GANC: variants seen among roughly 807,000 people sequenced by gnomAD.
GANC encodes the protein glucosidase alpha, neutral C.
A neutral mutation model predicts 124.2 loss-of-function variants in GANC; 117 were observed. That is an observed-to-expected ratio of 0.94 (90% confidence interval 0.81 to 1.10). GANC has a LOEUF of 1.10. Ranked by LOEUF, GANC falls within the 50% of genes least tolerant of loss-of-function variation. GANC has a pLI of 0.00. For synonymous variants in GANC, 377 were observed against 376.8 expected (o/e 1.00, Z -0.01); for missense variants, 1,140 against 1,095.0 (o/e 1.04, Z -0.58).
intron 19 of GANC, chr15:42,345,002 G>A (rs1278548036): frequency 1.3e-5 from 2 of 152,104 alleles, no homozygotes; most frequent in Admixed American, 6.5e-5. Flanking sequence ...TAAAGGATGT[G>A]GTAATCCCTG....
chr15:42,351,465 TG>T (rs745705815), intron 23 of GANC, 33 bp downstream of exon 23: 1 of 1,471,756 alleles, frequency 6.8e-7, no homozygotes, highest in South Asian at 1.1e-5. Flanking sequence ...CCTCACCATT[TG>T]TTTTTATAAA....
chr15:42,278,455 A>G, intron 2 of GANC, 27 bp from the exon 3 acceptor site: 1 of 1,420,166 alleles, frequency 7.0e-7, no homozygotes, highest in South Asian at 1.2e-5. Context: ...AATAATTATC[A>G]AGCATCTGCA....
At chr15:42,349,269 A>G in intron 21 of GANC, 114 bp from the exon 22 acceptor site, 1 of 693,340 alleles carries the variant, frequency 1.4e-6, no homozygotes, top group Non-Finnish European at 2.6e-6. Context: ...ACTACTTTAT[A>G]TAGCTTGAAT....
At chr15:42,300,862 T>C (rs2051938409) in intron 6 of GANC, among the ~76,000 whole-genome samples, 3 of 151,686 alleles carry the variant, frequency 2.0e-5, no homozygotes, top group Admixed American at 2.0e-4. Context: ...GTACTAAAAA[T>C]ACAAAATTAG....
chr15:42,330,509 T>C (rs1021861103), intron 14 of GANC, 67 bp from the exon 15 acceptor site: 7 of 1,084,032 alleles, frequency 6.5e-6, no homozygotes, highest in South Asian at 5.2e-5. Context: ...GTATGTTAGA[T>C]AGCTTATTGG....
chr15:42,351,862 T>A (rs1486036095), intron 23 of GANC, among the ~76,000 whole-genome samples, 168 bp from the exon 24 acceptor site: 1 of 152,236 alleles, frequency 6.6e-6, no homozygotes, highest in Non-Finnish European at 1.5e-5. Context: ...CAATGAAGTT[T>A]TCCACGTTTC....
At chr15:42,317,005 A>G (rs1003085461) in intron 10 of GANC, among the ~76,000 whole-genome samples, 1 of 152,246 alleles carries the variant, frequency 6.6e-6, no homozygotes, top group Non-Finnish European at 1.5e-5. Flanking sequence ...CTAATGATTG[A>G]TAATTGTCCA....
At chr15:42,321,503 A>G (rs1018518073) in intron 10 of GANC, among the ~76,000 whole-genome samples, 8 of 152,174 alleles carry the variant, frequency 5.3e-5, no homozygotes, top group African/African-American at 1.2e-4. Context: ...TCAAGACCCT[A>G]TACTTCACCA....
intron 12 of GANC, among the ~76,000 whole-genome samples, chr15:42,326,628 A>G (rs1016586611): frequency 6.6e-6 from 1 of 152,140 alleles, no homozygotes; most frequent in Non-Finnish European, 1.5e-5. Flanking sequence ...GTATTTATCA[A>G]TCAATAATTG....
intron 6 of GANC, 52 bp downstream of exon 6, chr15:42,297,708 A>G (rs1427680553): frequency 6.2e-6 from 8 of 1,289,898 alleles, no homozygotes; most frequent in Non-Finnish European, 8.9e-6. Flanking sequence ...CATCATCATG[A>G]TAGGGCATAT....
chr15:42,274,652 T>C, intron 1 of GANC, 142 bp downstream of exon 1: 1 of 792,832 alleles, frequency 1.3e-6, no homozygotes, highest in Non-Finnish European at 1.9e-6. Context: ...TTAGTTGATA[T>C]TAATAGCCTC....
chr15:42,334,395 C>T (rs1189756298), intron 15 of GANC, among the ~76,000 whole-genome samples: 1 of 152,176 alleles, frequency 6.6e-6, no homozygotes, highest in East Asian at 1.9e-4. Flanking sequence ...CTCTTGACCT[C>T]AAGTGATCTG....
intron 11 of GANC, among the ~76,000 whole-genome samples, chr15:42,324,519 G>A (rs1186283542): frequency 6.6e-6 from 1 of 152,046 alleles, no homozygotes; most frequent in East Asian, 1.9e-4. Flanking sequence ...TAGTCAAAAG[G>A]TCAAAGCAAC....
intron 14 of GANC, 85 bp from the exon 15 acceptor site, chr15:42,330,491 T>C: frequency 1.2e-6 from 1 of 865,232 alleles, no homozygotes; most frequent in Non-Finnish European, 1.9e-6. Flanking sequence ...GCCTACTGTT[T>C]GCTTTTTGTA....
At position 42,323,137 on chromosome 15, in the gene GANC, G is replaced by A. The variant is rs1018849455; in HGVS notation, c.1293+1117G>A. On this transcript the variant is annotated intron_variant, in intron 11 of 23. Transcript: ENST00000318010. The stretch of plus-strand genomic sequence containing the variant: ...GTAGGTCTTGTTACCCCATATTTTA[G>A]ATGAAGAAGCTGAGGCTTAGACTGG... 3.3e-5 allele frequency among the ~76,000 whole-genome samples: 5 copies of A among 152,200 alleles called. No homozygotes were observed. The East Asian group carries it at 9.6e-4, about 29-fold the overall frequency.
chr15:42,339,523 T>C, intron 16 of GANC, 146 bp from the exon 17 acceptor site: 1 of 853,040 alleles, frequency 1.2e-6, no homozygotes, highest in Non-Finnish European at 1.8e-6. Context: ...AGTAAGGGGG[T>C]CACCTGTTTG....
At chr15:42,276,235 GA>G in intron 1 of GANC, 112 bp from the exon 2 acceptor site, 2 of 626,304 alleles carry the variant, frequency 3.2e-6, no homozygotes, top group Admixed American at 6.0e-5. Context: ...TTGCATTGCA[GA>G]ATAGACTCCA....
chr15:42,327,659 A>G (rs912448043), intron 13 of GANC, among the ~76,000 whole-genome samples: 4 of 152,214 alleles, frequency 2.6e-5, no homozygotes, highest in Non-Finnish European at 5.9e-5. Context: ...TTTGACCTCT[A>G]TTATAATAGA....
chr15:42,286,036 G>A (rs1191068569), intron 3 of GANC, among the ~76,000 whole-genome samples: 1 of 150,416 alleles, frequency 6.6e-6, no homozygotes, highest in Non-Finnish European at 1.5e-5. Flanking sequence ...AGAGAAAGCT[G>A]TTTTACTAAA....
Sources: gnomAD v4.1 joint callset for allele counts (sites outside exome capture counted in the v4.1 genomes callset) on GRCh38, gnomAD v4.1.1 for gene constraint, MANE v1.5 for transcripts, NCBI Gene and HGNC (gene_info 2026-07-23, HGNC 2026-07-21) for gene names.